IRF2: variants seen among roughly 807,000 people sequenced by gnomAD.
The protein encoded by IRF2 is interferon regulatory factor 2.
In IRF2, 15 loss-of-function variants were observed where a neutral mutation model predicts 40.6. The observed-to-expected ratio is 0.37, with a 90% CI of 0.25 to 0.57. IRF2 has a LOEUF of 0.57. IRF2 is among the 20% of genes least tolerant of loss of function. IRF2 has a pLI of 0.77. For missense variants in IRF2, 317 were observed against 455.7 expected (o/e 0.70, Z 2.77); for synonymous variants, 151 against 165.5 (o/e 0.91, Z 0.67).
At chr4:184,425,277 A>C (rs775068419) in intron 2 of IRF2, among the ~76,000 whole-genome samples, 1 of 152,246 alleles carries the variant, frequency 6.6e-6, no homozygotes, top group Non-Finnish European at 1.5e-5. Context: ...TTAGGCTCTC[A>C]GTTAAGTATT....
At position 184,428,248 on chromosome 4, in the gene IRF2, C is replaced by T. The variant is rs972724010; in HGVS notation, c.87+730G>A. On this transcript the variant is annotated intron_variant, in intron 2 of 8. Coordinates refer to ENST00000393593, the MANE Select transcript of IRF2 (RefSeq NM_002199.4). ...GGCTTTTTTTAAAGACAAAAACAAG[C>T]TTTCTTTAAACAGAGAACATGGAAA... Among the ~76,000 whole-genome samples, 5 of 152,192 alleles carry T rather than the reference C, an allele frequency of 3.3e-5. No individual in the cohort carries two copies. The East Asian group carries it at 7.7e-4, about 23-fold the overall frequency.
intron 6 of IRF2, among the ~76,000 whole-genome samples, chr4:184,403,986 G>A (rs1170881564): frequency 1.3e-5 from 2 of 152,088 alleles, no homozygotes; most frequent in Non-Finnish European, 2.9e-5. Context: ...CTGATGAACC[G>A]GTTTGCTTCT....
In IRF2 at chr4:184,446,492, G is replaced by A. The variant is rs140995235; in HGVS notation, c.-6-17422C>T. ...GTCATTGTGGTGGGGCAACCGTGGG[G>A]ACATAAGACCACATACACACAGGCA... is the stretch of plus-strand genomic sequence containing the variant. On this transcript the variant is annotated intron_variant, in intron 1 of 8. Transcript: ENST00000393593. Among the ~76,000 whole-genome samples, 155 of 152,298 alleles carry A rather than the reference G, an allele frequency of 1.0e-3. 1 individual carries two copies. Among genetic ancestry groups the A allele is most frequent in the African/African-American group, 3.6e-3 (148 of 41,554 alleles).
At chr4:184,415,547 C>A (rs1271370960) in intron 5 of IRF2, among the ~76,000 whole-genome samples, 1 of 152,222 alleles carries the variant, frequency 6.6e-6, no homozygotes, top group Non-Finnish European at 1.5e-5. Flanking sequence ...ATTGCCACAT[C>A]CCTGAAAGAG....
At chr4:184,426,518 T>C (rs1260534528) in intron 2 of IRF2, among the ~76,000 whole-genome samples, 2 of 152,172 alleles carry the variant, frequency 1.3e-5, no homozygotes, top group Non-Finnish European at 2.9e-5. Flanking sequence ...GATGATTTCA[T>C]CTCAAGGTCC....
At chr4:184,397,145 T>C (rs1051173504) in intron 7 of IRF2, among the ~76,000 whole-genome samples, 1 of 152,250 alleles carries the variant, frequency 6.6e-6, no homozygotes, top group African/African-American at 2.4e-5. Flanking sequence ...TGACAGATTA[T>C]AATCTTCCTG....
At chr4:184,411,348 C>T (rs1737067275) in intron 5 of IRF2, among the ~76,000 whole-genome samples, 1 of 152,152 alleles carries the variant, frequency 6.6e-6, no homozygotes. Context: ...CATGAGCCAC[C>T]ATGCCCAGCC....
chr4:184,436,586 A>G (rs1017989445), intron 1 of IRF2, among the ~76,000 whole-genome samples: 4 of 152,250 alleles, frequency 2.6e-5, no homozygotes, highest in African/African-American at 9.6e-5. Context: ...GGCATATAAG[A>G]GAAAGCTTTA....
At chr4:184,472,849 G>C (rs753376176) in intron 1 of IRF2, among the ~76,000 whole-genome samples, 10 of 152,214 alleles carry the variant, frequency 6.6e-5, no homozygotes, top group Non-Finnish European at 1.3e-4. Flanking sequence ...CCTGGTGCCC[G>C]ACCACGGCTC....
chr4:184,393,722 T>C (rs570227558), intron 7 of IRF2, among the ~76,000 whole-genome samples: 8 of 151,706 alleles, frequency 5.3e-5, no homozygotes, highest in Admixed American at 2.0e-4. Flanking sequence ...TCTGAAGTCG[T>C]CAGGAAGATG....
chr4:184,470,630 C>T (rs567299428), intron 1 of IRF2, among the ~76,000 whole-genome samples: 3 of 141,450 alleles, frequency 2.1e-5, no homozygotes, highest in African/African-American at 8.0e-5. Context: ...GCAGAGGTTG[C>T]GGTGAGCTGA....
chr4:184,432,360 C>T (rs1737917403), intron 1 of IRF2, among the ~76,000 whole-genome samples: 1 of 152,268 alleles, frequency 6.6e-6, no homozygotes, highest in African/African-American at 2.4e-5. Flanking sequence ...GTTCTTTTCA[C>T]AGGCTACAGA....
chr4:184,468,308 G>T (rs541183943), intron 1 of IRF2, among the ~76,000 whole-genome samples: 1 of 152,026 alleles, frequency 6.6e-6, no homozygotes, highest in Non-Finnish European at 1.5e-5. Flanking sequence ...CCAACATGGC[G>T]AAACCTCATC....
chr4:184,392,548 T>C lies in IRF2; in HGVS notation c.695-1799A>G, dbSNP rs1379823060. Among the ~76,000 whole-genome samples the C allele has an allele frequency of 2.0e-5, 3 of 152,198 alleles. No homozygotes were observed. In the East Asian group the frequency reaches 5.8e-4, roughly 29 times the overall value. ...CTCTTATGCTCCAGTGCCTTCCAGC[T>C]TTCCACCCGGTCCCTGCTGAGGGGC... On this transcript the variant is annotated intron_variant, in intron 7 of 8. Coordinates refer to ENST00000393593, the MANE Select transcript of IRF2 (RefSeq NM_002199.4).
intron 7 of IRF2, among the ~76,000 whole-genome samples, chr4:184,394,193 T>C (rs1031062138): frequency 6.6e-6 from 1 of 152,108 alleles, no homozygotes; most frequent in African/African-American, 2.4e-5. Context: ...CTGGTCTCAG[T>C]TTTCCTGAAA....
intron 6 of IRF2, among the ~76,000 whole-genome samples, chr4:184,405,322 G>A (rs756150546): frequency 9.2e-5 from 14 of 152,150 alleles, no homozygotes; most frequent in Non-Finnish European, 1.6e-4. Flanking sequence ...GCGGAAGTGT[G>A]GATGAGACGT....
intron 2 of IRF2, among the ~76,000 whole-genome samples, chr4:184,425,983 TTTGTTTG>T (rs1561103963): frequency 1.7e-3 from 139 of 82,606 alleles, no homozygotes; most frequent in East Asian, 0.014. Context: ...CCGGTTTTTG[TTTGTTTG>T]TTTGTTTGTT....
intron 5 of IRF2, among the ~76,000 whole-genome samples, chr4:184,416,522 C>T (rs993675229): frequency 2.6e-4 from 39 of 152,092 alleles, no homozygotes; most frequent in African/African-American, 8.2e-4. Context: ...ACAAACTACA[C>T]GAATGTTATA....
chr4:184,412,615 C>T (rs906191360), intron 5 of IRF2, among the ~76,000 whole-genome samples: 2 of 152,184 alleles, frequency 1.3e-5, no homozygotes, highest in African/African-American at 2.4e-5. Context: ...TGGACCTTGG[C>T]GAGTGCACAC....
Sources: allele counts gnomAD v4.1 joint callset (sites outside exome capture counted in the v4.1 genomes callset), GRCh38; gene constraint gnomAD v4.1.1; transcripts MANE v1.5; gene names NCBI Gene and HGNC (gene_info 2026-07-23, HGNC 2026-07-21).